RAB31: variants seen among roughly 807,000 people sequenced by gnomAD.
The protein encoded by RAB31 is ras-related protein Rab-31.
RAB31 carries 21 observed loss-of-function variants against 25.6 expected under a neutral mutation model. That is an observed-to-expected ratio of 0.82 (90% CI 0.58 to 1.18). RAB31 has a LOEUF of 1.18. Ranked by LOEUF, RAB31 falls within the 50% of genes most tolerant of loss-of-function variation. RAB31 has a pLI of 0.00. For synonymous variants in RAB31, 87 were observed against 84.0 expected (o/e 1.04, Z -0.20); for missense variants, 196 against 250.1 (o/e 0.78, Z 1.46).
chr18:9,715,403 C>G (rs2068038828), intron 1 of RAB31, among the ~76,000 whole-genome samples: 1 of 142,822 alleles, frequency 7.0e-6, no homozygotes, highest in South Asian at 2.4e-4. Context: ...ATTTTTAATT[C>G]CCTTTGCCCC....
intron 1 of RAB31, among the ~76,000 whole-genome samples, chr18:9,740,045 C>T (rs1314787668): frequency 2.6e-5 from 4 of 152,168 alleles, no homozygotes; most frequent in Non-Finnish European, 4.4e-5. Context: ...CCTGGGGTGA[C>T]GAGAGGAGCT....
intron 1 of RAB31, among the ~76,000 whole-genome samples, chr18:9,749,382 G>A (rs1273519792): frequency 2.0e-5 from 3 of 152,166 alleles, no homozygotes; most frequent in African/African-American, 7.2e-5. Flanking sequence ...GAACGGAAGT[G>A]CAGGGACACC....
Position 9,861,987 on chromosome 18 carries a change from G to C in RAB31, c.*2662G>C, listed in dbSNP as rs1192011504. 1 of 152,654 alleles carries C rather than the reference G, an allele frequency of 6.6e-6. No individual in the cohort carries two copies. The highest frequency in any genetic ancestry group is 1.5e-5 in the Non-Finnish European group (1 of 68,044). 9.5% of individuals were successfully genotyped at this position (152,654 alleles called of 1,614,324 possible). A position where few individuals can be genotyped will look rare whatever the true frequency, so the allele number is the denominator to read the frequency against. ...ATGGTTAAAAACGGCACATTAGGCA[G>C]TTGAATATGACGTTACCTTGCAGAC... On this transcript the variant is annotated 3_prime_UTR_variant, in exon 7 of 7. Transcript: ENST00000578921.
intron 1 of RAB31, among the ~76,000 whole-genome samples, chr18:9,754,433 C>A (rs1466884095): frequency 2.6e-5 from 4 of 152,090 alleles, no homozygotes; most frequent in Non-Finnish European, 5.9e-5. Flanking sequence ...GTGCCCGCCA[C>A]CACACCCGGC....
chr18:9,836,555 C>T (rs1338461386), intron 5 of RAB31, among the ~76,000 whole-genome samples: 1 of 152,204 alleles, frequency 6.6e-6, no homozygotes, highest in Non-Finnish European at 1.5e-5. Context: ...ATAGTCCCCC[C>T]TACAAGAATC....
chr18:9,797,070 A>G (rs79678207), intron 3 of RAB31, among the ~76,000 whole-genome samples: 3,201 of 152,314 alleles, frequency 0.021, 130 homozygotes, highest in African/African-American at 0.074. Flanking sequence ...ACTTCTGTGC[A>G]CGGGAAGCAG....
intron 6 of RAB31, among the ~76,000 whole-genome samples, chr18:9,847,692 C>A (rs1380715209): frequency 1.3e-5 from 2 of 152,122 alleles, no homozygotes; most frequent in South Asian, 4.1e-4. Context: ...CCGACCTCAG[C>A]CACCTGGGTA....
chr18:9,757,434 G>C (rs949297535), intron 1 of RAB31, among the ~76,000 whole-genome samples: 1 of 152,232 alleles, frequency 6.6e-6, no homozygotes, highest in Non-Finnish European at 1.5e-5. Flanking sequence ...GTGGGGACAA[G>C]TGGGGCTCTG....
At chr18:9,738,936 G>GTCCGCTGAAGAATCAGTGGCTTGC (rs2068163913) in intron 1 of RAB31, among the ~76,000 whole-genome samples, 1 of 152,216 alleles carries the variant, frequency 6.6e-6, no homozygotes, top group Non-Finnish European at 1.5e-5. Context: ...GAACGCTGGT[G>GTCCGCTGAAGAATCAGTGGCTTGC]TCCGCTGAAG....
intron 1 of RAB31, among the ~76,000 whole-genome samples, chr18:9,759,368 G>A (rs761540778): frequency 2.7e-4 from 41 of 151,822 alleles, no homozygotes; most frequent in African/African-American, 8.9e-4. Context: ...ACAGTGTCTC[G>A]CTATGTTGTC....
intron 6 of RAB31, among the ~76,000 whole-genome samples, chr18:9,848,382 G>A (rs138662570): frequency 6.6e-5 from 10 of 152,028 alleles, no homozygotes; most frequent in East Asian, 5.8e-4. Context: ...ACATCTGTCT[G>A]TCTAGTCATC....
chr18:9,824,712 G>T (rs1205749528), intron 5 of RAB31, among the ~76,000 whole-genome samples: 1 of 152,210 alleles, frequency 6.6e-6, no homozygotes, highest in African/African-American at 2.4e-5. Context: ...CACTCCCAGA[G>T]TGGAAGGCAT....
intron 5 of RAB31, among the ~76,000 whole-genome samples, chr18:9,837,542 A>G (rs2068711732): frequency 6.6e-6 from 1 of 152,238 alleles, no homozygotes; most frequent in South Asian, 2.1e-4. Flanking sequence ...GCAGGTTGAA[A>G]AAAATTCGGA....
At chr18:9,734,144 C>G (rs1052527905) in intron 1 of RAB31, among the ~76,000 whole-genome samples, 81 of 151,050 alleles carry the variant, frequency 5.4e-4, no homozygotes, top group African/African-American at 1.8e-3. Flanking sequence ...AAACTAAGGT[C>G]ATGCACTCAG....
chr18:9,763,559 A>G (rs2068299328), intron 1 of RAB31, among the ~76,000 whole-genome samples: 1 of 150,296 alleles, frequency 6.7e-6, no homozygotes, highest in African/African-American at 2.4e-5. Context: ...AAAATCTCCA[A>G]ATTCAGAGAA....
intron 1 of RAB31, among the ~76,000 whole-genome samples, chr18:9,743,716 A>G (rs928724661): frequency 1.6e-4 from 25 of 152,242 alleles, no homozygotes; most frequent in African/African-American, 5.8e-4. Flanking sequence ...GGGAAGCCAC[A>G]GGGAGACCTT....
intron 1 of RAB31, among the ~76,000 whole-genome samples, chr18:9,748,966 A>G (rs1340498511): frequency 6.6e-6 from 1 of 152,212 alleles, no homozygotes; most frequent in South Asian, 2.1e-4. Flanking sequence ...AAAGGTACAG[A>G]CTGGAAAGTG....
chr18:9,720,221 C>T (rs1228690006), intron 1 of RAB31, among the ~76,000 whole-genome samples: 2 of 152,230 alleles, frequency 1.3e-5, no homozygotes, highest in African/African-American at 4.8e-5. Flanking sequence ...GCCTCGACCT[C>T]CCAAAGTGCT....
At chr18:9,854,700 G>A (rs2068807046) in intron 6 of RAB31, among the ~76,000 whole-genome samples, 1 of 152,114 alleles carries the variant, frequency 6.6e-6, no homozygotes, top group Non-Finnish European at 1.5e-5. Context: ...ACAGTGATAG[G>A]GAATAACTTC....
Sources: allele counts gnomAD v4.1 joint callset (sites outside exome capture counted in the v4.1 genomes callset), GRCh38; gene constraint gnomAD v4.1.1; transcripts MANE v1.5; gene names NCBI Gene and HGNC (gene_info 2026-07-23, HGNC 2026-07-21).